ZFP64: variants seen among roughly 807,000 people sequenced by gnomAD.
ZFP64 encodes zinc finger protein 64.
A neutral mutation model predicts 51.6 loss-of-function variants in ZFP64; 14 were observed. The observed-to-expected ratio is 0.27, with a 90% CI of 0.18 to 0.42. ZFP64 has a LOEUF of 0.42. Among genes scored for constraint, ZFP64 ranks in the 10% least tolerant of loss-of-function variants. The pLI, the probability that ZFP64 is intolerant of heterozygous loss-of-function variation, is 1.00. For missense variants in ZFP64, 754 were observed against 906.8 expected, an observed-to-expected ratio of 0.83 and a Z score of 2.16; for synonymous variants, 375 against 361.4, an observed-to-expected ratio of 1.04 and a Z score of -0.43.
At chr20:52,095,795 C>T (rs992994251) in intron 7 of ZFP64, among the ~76,000 whole-genome samples, 2 of 152,152 alleles carry the variant, frequency 1.3e-5, no homozygotes, top group African/African-American at 4.8e-5. Flanking sequence ...GCCTTTCATT[C>T]TTGTGAAGGT....
chr20:52,084,727 C>T (rs752336058), exon 9 of ZFP64: 22 of 1,614,108 alleles, frequency 1.4e-5, no homozygotes, highest in Non-Finnish European at 1.8e-5. Context: ...TCATCCCTGA[C>T]GAAGGAGGCG....
chr20:52,181,682 T>C (rs1017992165), intron 2 of ZFP64, among the ~76,000 whole-genome samples: 2 of 152,180 alleles, frequency 1.3e-5, no homozygotes, highest in African/African-American at 4.8e-5. Context: ...TTCTCCAACC[T>C]GGCTGAGATC....
chr20:52,189,393 C>CAA (rs11352168), intron 1 of ZFP64, among the ~76,000 whole-genome samples: 5 of 129,436 alleles, frequency 3.9e-5, no homozygotes, highest in South Asian at 2.6e-4. Context: ...GACTTCATCT[C>CAA]AAAAAAAAAA....
In ZFP64 at chr20:52,187,047, A is replaced by G; in HGVS notation, c.71T>C (p.Val24Ala). Residue 24 changes from valine (V) to alanine (A), a missense_variant, in exon 2 of 6, where the codon GTG (valine) becomes GCG (alanine). Physicochemically the swap from Val to Ala is moderately conservative, Grantham distance 64. Transcript: ENST00000216923. ...GATATGGATGTCGGGAGTCAGCTCC[A>G]CCAGCACCGTTGTGCCACCTGGAAC... ...VQIPGGTTVLVELTPDIHICG... is the reference protein window; with the variant it reads ...VQIPGGTTVLAELTPDIHICG... 1.2e-6 allele frequency: 2 copies of G among 1,610,468 alleles called. No homozygotes were observed. The highest frequency in any genetic ancestry group is 1.7e-6 in the Non-Finnish European group (2 of 1,176,938).
chr20:52,123,208 A>G (rs565240265), intron 5 of ZFP64, among the ~76,000 whole-genome samples: 1 of 152,196 alleles, frequency 6.6e-6, no homozygotes, highest in African/African-American at 2.4e-5. Flanking sequence ...CCAGGCGAAC[A>G]TGTTCGCCAT....
intron 7 of ZFP64, among the ~76,000 whole-genome samples, chr20:52,091,194 C>T (rs2078922766): frequency 6.6e-6 from 1 of 151,992 alleles, no homozygotes; most frequent in Admixed American, 6.5e-5. Context: ...ATTACATTTC[C>T]CTCTTAAAGA....
At chr20:52,108,039 G>A (rs1236994096) in intron 5 of ZFP64, among the ~76,000 whole-genome samples, 2 of 152,104 alleles carry the variant, frequency 1.3e-5, no homozygotes, top group Non-Finnish European at 2.9e-5. Context: ...CAGCCTGGGC[G>A]ACATGGCAAA....
intron 5 of ZFP64, among the ~76,000 whole-genome samples, chr20:52,141,364 AT>A (rs1478774193): frequency 6.6e-6 from 1 of 152,126 alleles, no homozygotes; most frequent in East Asian, 1.9e-4. Flanking sequence ...ATATTCATTT[AT>A]TTTTTTCACC....
chr20:52,101,354 A>AG (rs2079048057), intron 5 of ZFP64, among the ~76,000 whole-genome samples: 1 of 144,528 alleles, frequency 6.9e-6, no homozygotes, highest in African/African-American at 2.6e-5. Context: ...GGATCAAGTA[A>AG]GGACTTGCGA....
chr20:52,158,527 G>A (rs1981512535), intron 5 of ZFP64, among the ~76,000 whole-genome samples: 1 of 152,076 alleles, frequency 6.6e-6, no homozygotes, highest in African/African-American at 2.4e-5. Context: ...GCAACATGGT[G>A]AAATCCCATC....
chr20:52,162,328 T>C (rs1228431124), intron 4 of ZFP64, among the ~76,000 whole-genome samples: 3 of 147,918 alleles, frequency 2.0e-5, no homozygotes, highest in Non-Finnish European at 3.0e-5. Context: ...GCATTTTTAT[T>C]ATTAAACATT....
chr20:52,178,620 C>T (rs2123101067), intron 2 of ZFP64, among the ~76,000 whole-genome samples: 1 of 152,270 alleles, frequency 6.6e-6, no homozygotes, highest in South Asian at 2.1e-4. Flanking sequence ...GCATGACTCC[C>T]ACCACGTTCC....
intron 5 of ZFP64, among the ~76,000 whole-genome samples, chr20:52,108,615 T>C (rs112845106): frequency 7.9e-5 from 12 of 151,808 alleles, no homozygotes; most frequent in African/African-American, 2.9e-4. Flanking sequence ...TTCAAGCAAT[T>C]CTCCTTTCTT....
At chr20:52,178,954 T>A (rs1983428605) in intron 2 of ZFP64, among the ~76,000 whole-genome samples, 1 of 152,088 alleles carries the variant, frequency 6.6e-6, no homozygotes, top group Non-Finnish European at 1.5e-5. Context: ...ATTATCTGAG[T>A]TCCATCATTT....
intron 5 of ZFP64, among the ~76,000 whole-genome samples, chr20:52,101,502 T>C (rs1451956087): frequency 6.6e-6 from 1 of 152,234 alleles, no homozygotes; most frequent in Non-Finnish European, 1.5e-5. Context: ...CCCGAATAGC[T>C]GGGACCACAG....
chr20:52,117,555 G>A (rs1978940953), intron 5 of ZFP64: 3 of 430,896 alleles, frequency 7.0e-6, no homozygotes, highest in Admixed American at 5.0e-5. Flanking sequence ...GGAGGTGGAG[G>A]TTGTGGTGAG....
chr20:52,175,402 C>T (rs1488472671), intron 2 of ZFP64, among the ~76,000 whole-genome samples: 1 of 152,154 alleles, frequency 6.6e-6, no homozygotes, highest in African/African-American at 2.4e-5. Context: ...GGAGTCCAGG[C>T]AAGCGCCACC....
chr20:52,145,560 C>G (rs921435866), intron 5 of ZFP64, among the ~76,000 whole-genome samples: 9 of 152,084 alleles, frequency 5.9e-5, no homozygotes, highest in Non-Finnish European at 1.2e-4. Context: ...ATCACCTGAG[C>G]CTGGGGAGGT....
At chr20:52,095,055 T>C (rs2078973881) in intron 7 of ZFP64, among the ~76,000 whole-genome samples, 1 of 152,246 alleles carries the variant, frequency 6.6e-6, no homozygotes, top group Non-Finnish European at 1.5e-5. Context: ...AGAGAAAGCT[T>C]ATTTGCATAT....
Sources: allele counts gnomAD v4.1 joint callset (sites outside exome capture counted in the v4.1 genomes callset), GRCh38; gene constraint gnomAD v4.1.1; transcripts MANE v1.5; gene names NCBI Gene and HGNC (gene_info 2026-07-23, HGNC 2026-07-21).